Variants in FOXK2 observed in about 807,000 individuals in gnomAD.
The protein encoded by FOXK2 is forkhead box protein K2.
Under a neutral mutation model 53.3 loss-of-function variants are expected in FOXK2, and 24 were observed. The ratio of observed to expected loss-of-function variants is 0.45; its 90% CI spans 0.33 to 0.63. FOXK2 has a LOEUF of 0.63. FOXK2 is among the 30% of genes least tolerant of loss of function. The pLI is 0.03. For missense variants in FOXK2, 952 were observed against 910.5 expected (o/e 1.05, Z -0.59); for synonymous variants, 505 against 407.1 (o/e 1.24, Z -2.89).
At chr17:82,558,547 G>C (rs1390915558) in intron 1 of FOXK2, among the ~76,000 whole-genome samples, 1 of 152,326 alleles carries the variant, frequency 6.6e-6, no homozygotes, top group East Asian at 1.9e-4. Context: ...CATCATTCCA[G>C]GGCTACTGCC....
chr17:82,595,956 AC>A, intron 8 of FOXK2: 2 of 1,229,090 alleles, frequency 1.6e-6, no homozygotes, highest in Non-Finnish European at 2.1e-6. Flanking sequence ...GTCCAGAGAC[AC>A]CTACAGCGTG....
At position 82,602,042 on chromosome 17, in the gene FOXK2, A is replaced by G. The variant is rs2045392734; in HGVS notation, c.*543A>G. On this transcript the variant is annotated 3_prime_UTR_variant, in exon 9 of 9. Transcript: ENST00000335255. ...TGGATTTCATTTGGGGCAAAGAAAC[A>G]ACGTAGTTTTGTTTTTGTTTTCAGC... The G allele has an allele frequency of 6.6e-6, 1 of 152,664 alleles. No individual in the cohort carries two copies. The highest frequency in any genetic ancestry group is 1.5e-5 in the Non-Finnish European group (1 of 68,170). The allele number at this position is 152,664 out of a possible 1,614,324, so 9.5% of individuals were successfully genotyped here.
At chr17:82,581,836 C>T (rs1179509491) in intron 4 of FOXK2, among the ~76,000 whole-genome samples, 1 of 152,176 alleles carries the variant, frequency 6.6e-6, no homozygotes, top group Admixed American at 6.5e-5. Flanking sequence ...CCTCAAACTC[C>T]TGACCTCAAC....
At position 82,586,103 on chromosome 17, in the gene FOXK2, G is replaced by A. The variant is rs759104078; in HGVS notation, c.1479G>A (p.Thr493=). ...TSVAGLAPAN[T]YTVSGQAVVT... is the part of the protein sequence containing the mutation. ...TGGCCGGACTGGCCCCAGCGAACAC[G>A]TACACTGTCTCTGGACAAGCTGTGG... Residue 493 remains threonine (T), a synonymous_variant, in exon 7 of 9, where the codon ACG becomes ACA. Transcript: ENST00000335255. 6.8e-6 allele frequency: 11 copies of A among 1,612,608 alleles called. No individual in the cohort carries two copies. The highest frequency in any genetic ancestry group is 4.5e-5 in the East Asian group (2 of 44,894).
rs559583452 is a variant in FOXK2, at chr17:82,603,187, G to A, written c.*1688G>A. The A allele has an allele frequency of 5.9e-5, 9 of 152,436 alleles. No individual in the cohort carries two copies. Among genetic ancestry groups the A allele is most frequent in the African/African-American group, 1.9e-4 (8 of 41,588 alleles). The allele number at this position is 152,436 out of a possible 1,614,324, so 9.4% of individuals were successfully genotyped here. A position where few individuals can be genotyped will look rare whatever the true frequency, so the allele number is the denominator to read the frequency against. The stretch of plus-strand genomic sequence containing the variant: ...AGAAATAAAAGCAAAACCATCACGT[G>A]ACTGAGACCGTGTGTGTGACCGCAG... On this transcript the variant is annotated 3_prime_UTR_variant, in exon 9 of 9. Transcript: ENST00000335255.
intron 1 of FOXK2, among the ~76,000 whole-genome samples, chr17:82,545,437 C>T (rs1027095697): frequency 3.9e-5 from 6 of 152,178 alleles, no homozygotes; most frequent in Non-Finnish European, 8.8e-5. Flanking sequence ...TGGCCATTCT[C>T]ATTACTGGAA....
At chr17:82,574,432 T>C (rs1489546407) in intron 4 of FOXK2, among the ~76,000 whole-genome samples, 2 of 152,012 alleles carry the variant, frequency 1.3e-5, no homozygotes, top group East Asian at 3.9e-4. Flanking sequence ...GCGATTCTCC[T>C]GCCTCAGCCT....
In FOXK2 at chr17:82,586,008, A is replaced by C. The variant is rs759715528; in HGVS notation, c.1384A>C (p.Thr462Pro). ...YTVATPVTTS[T>P]SQPPVVQTVH... The stretch of plus-strand genomic sequence containing the variant: ...TGTGGCCACCCCAGTGACCACCTCG[A>C]CCTCCCAGCCACCCGTCGTGCAGAC... Residue 462 changes from threonine to proline, a missense_variant, in exon 7 of 9, where the codon ACC becomes CCC. By Grantham distance (38) the Thr-to-Pro change is conservative. Coordinates refer to ENST00000335255, the MANE Select transcript of FOXK2 (RefSeq NM_004514.4). The C allele has an allele frequency of 2.5e-6, 4 of 1,612,678 alleles. No homozygotes were observed. In the South Asian group the frequency reaches 4.4e-5, roughly 18 times the overall value.
At chr17:82,562,428 A>G (rs573910999) in intron 1 of FOXK2, among the ~76,000 whole-genome samples, 207 of 152,274 alleles carry the variant, frequency 1.4e-3, no homozygotes, top group Non-Finnish European at 2.6e-3. Flanking sequence ...TAAAAATACG[A>G]AATTAGCCGG....
At chr17:82,591,635 A>G (rs1214298918) in intron 8 of FOXK2, among the ~76,000 whole-genome samples, 1 of 152,150 alleles carries the variant, frequency 6.6e-6, no homozygotes, top group Non-Finnish European at 1.5e-5. Flanking sequence ...TTTTCTGGAA[A>G]CGCTCCCAAG....
At chr17:82,600,870 C>T (rs944063860) in intron 8 of FOXK2, 11 of 164,082 alleles carry the variant, frequency 6.7e-5, no homozygotes, top group South Asian at 1.6e-4. Flanking sequence ...GCAGGGCCTC[C>T]GCATGAGGGA....
chr17:82,523,787 T>C (rs1021306955), intron 1 of FOXK2, among the ~76,000 whole-genome samples: 2 of 151,522 alleles, frequency 1.3e-5, no homozygotes, highest in African/African-American at 4.9e-5. Context: ...CTAAAATCTT[T>C]TTTTCTGAAT....
chr17:82,532,332 C>CG (rs1231694160), intron 1 of FOXK2, among the ~76,000 whole-genome samples: 3 of 146,200 alleles, frequency 2.1e-5, no homozygotes, highest in East Asian at 4.1e-4. Flanking sequence ...TTAGTGGAGA[C>CG]GGGGTTTCAC....
At chr17:82,555,498 G>A (rs1224314797) in intron 1 of FOXK2, among the ~76,000 whole-genome samples, 7 of 152,168 alleles carry the variant, frequency 4.6e-5, no homozygotes, top group Admixed American at 3.3e-4. Context: ...CCTGAAAACA[G>A]TTTTAATGTA....
intron 3 of FOXK2, among the ~76,000 whole-genome samples, chr17:82,570,554 GTGC>G (rs1435597227): frequency 6.6e-6 from 1 of 152,224 alleles, no homozygotes; most frequent in African/African-American, 2.4e-5. Context: ...AACGCGGCCT[GTGC>G]TATGGAAGCC....
intron 1 of FOXK2, among the ~76,000 whole-genome samples, chr17:82,550,572 G>A (rs1484438027): frequency 4.1e-5 from 6 of 146,202 alleles, no homozygotes; most frequent in Non-Finnish European, 7.4e-5. Flanking sequence ...GCGCAATCTC[G>A]GCTCACTACA....
intron 1 of FOXK2, among the ~76,000 whole-genome samples, chr17:82,535,628 A>G (rs551668319): frequency 2.6e-4 from 39 of 152,076 alleles, no homozygotes; most frequent in African/African-American, 9.2e-4. Context: ...CATGTTTGTC[A>G]TTGTACCTTT....
At position 82,603,157 on chromosome 17, in the gene FOXK2, G is replaced by GT. The variant is rs2045405820; in HGVS notation, c.*1661dup. On this transcript the variant is annotated 3_prime_UTR_variant, in exon 9 of 9. Transcript: ENST00000335255. ...ACACTAGCTGGATTATCACTCAGCC[G>GT]TTTAAGAAATAAAAGCAAAACCATC... 2 of 152,524 alleles carry GT rather than the reference G, an allele frequency of 1.3e-5. No individual in the cohort carries two copies. The highest frequency in any genetic ancestry group is 4.8e-5 in the African/African-American group (2 of 41,580). The allele number at this position is 152,524 out of a possible 1,614,324, so 9.4% of individuals were successfully genotyped here.
intron 1 of FOXK2, among the ~76,000 whole-genome samples, chr17:82,530,139 A>G (rs373092799): frequency 2.3e-4 from 35 of 152,308 alleles, no homozygotes; most frequent in African/African-American, 8.2e-4. Flanking sequence ...TTAGTCATTA[A>G]TAATTGGCAG....
Sources: gnomAD v4.1 joint callset for allele counts (sites outside exome capture counted in the v4.1 genomes callset) on GRCh38, gnomAD v4.1.1 for gene constraint, MANE v1.5 for transcripts, NCBI Gene and HGNC (gene_info 2026-07-23, HGNC 2026-07-21) for gene names.